The following CFAP299 variants were observed in gnomAD, a reference collection of about 807,000 sequenced individuals.
CFAP299 encodes the protein cilia and flagella associated protein 299.
A neutral mutation model predicts 27.0 loss-of-function variants in CFAP299; 21 were observed. The observed-to-expected ratio is 0.78, with a 90% CI of 0.55 to 1.12. The LOEUF (loss-of-function observed/expected upper bound fraction) is 1.12, where lower values mean the gene tolerates loss of function less well. Among genes scored for constraint, CFAP299 ranks in the 50% most tolerant of loss-of-function variants. The probability of loss-of-function intolerance (pLI) is 0.00; values close to 1 mark genes in which losing one functional copy is unlikely to be tolerated. For synonymous variants in CFAP299, 104 were observed against 98.1 expected, an observed-to-expected ratio of 1.06 and a Z score of -0.36; for missense variants, 310 against 276.6, an observed-to-expected ratio of 1.12 and a Z score of -0.86.
At chr4:80,679,607 T>A (rs907295854) in intron 3 of CFAP299, among the ~76,000 whole-genome samples, 1 of 151,928 alleles carries the variant, frequency 6.6e-6, no homozygotes, top group Non-Finnish European at 1.5e-5. Flanking sequence ...TTAAAAAAAA[T>A]GGCTACTAAT....
At chr4:80,875,757 AAC>A (rs1008057688) in intron 4 of CFAP299, among the ~76,000 whole-genome samples, 7 of 152,034 alleles carry the variant, frequency 4.6e-5, no homozygotes, top group Non-Finnish European at 8.8e-5. Flanking sequence ...TTACTAGATT[AAC>A]ACAGACTTCA....
rs190222769 is a variant in CFAP299, at chr4:80,569,688, A to C, written c.243-13405A>C. ...ATTTTACATACAATCAACAAGCAGAAAATGAAAGAAAAAACTTTCCACATT... is the reference window on the plus strand; with the variant it reads ...ATTTTACATACAATCAACAAGCAGACAATGAAAGAAAAAACTTTCCACATT... On this transcript the variant is annotated intron_variant, in intron 2 of 5. Coordinates refer to ENST00000358105, the MANE Select transcript of CFAP299 (RefSeq NM_152770.3). Among the ~76,000 whole-genome samples, 119 of 152,152 alleles carry C rather than the reference A, an allele frequency of 7.8e-4. 1 individual carries two copies. The highest frequency in any genetic ancestry group is 2.8e-3 in the African/African-American group (115 of 41,574).
In CFAP299 at chr4:80,688,668, C is replaced by A. The variant is rs187129625; in HGVS notation, c.333+105485C>A. Among the ~76,000 whole-genome samples, 388 of 152,276 alleles carry A rather than the reference C, an allele frequency of 2.5e-3. 4 individuals are homozygous for A. Among genetic ancestry groups the A allele is most frequent in the African/African-American group, 7.7e-3 (320 of 41,570 alleles). ...CCTCCAAAGGAACGCAGTTCCTCAC[C>A]AGCAACGGAACAAAGCTGGACGGAG... On this transcript the variant is annotated intron_variant, in intron 3 of 5. Transcript: ENST00000358105.
chr4:80,608,442 C>A, intron 3 of CFAP299: 2 of 1,059,402 alleles, frequency 1.9e-6, no homozygotes, highest in Non-Finnish European at 2.8e-6. Context: ...TTGGCTTCAT[C>A]CTACATATAT....
intron 3 of CFAP299, among the ~76,000 whole-genome samples, chr4:80,598,265 T>C (rs1737158493): frequency 6.6e-6 from 1 of 152,208 alleles, no homozygotes; most frequent in African/African-American, 2.4e-5. Context: ...TACAGGCTAA[T>C]GTACAAAACA....
At chr4:80,721,156 G>A (rs1271843080) in intron 3 of CFAP299, among the ~76,000 whole-genome samples, 2 of 152,018 alleles carry the variant, frequency 1.3e-5, no homozygotes, top group African/African-American at 4.8e-5. Flanking sequence ...AATCCAGAAA[G>A]GAAAGGCAGG....
At chr4:80,912,533 T>C (rs951518620) in intron 4 of CFAP299, among the ~76,000 whole-genome samples, 1 of 152,132 alleles carries the variant, frequency 6.6e-6, no homozygotes, top group Non-Finnish European at 1.5e-5. Context: ...GTCTCCCTCA[T>C]TGTGTGAGGA....
chr4:80,710,500 TA>T (rs5859733), intron 3 of CFAP299, among the ~76,000 whole-genome samples: 68,322 of 111,604 alleles, frequency 0.61, 21,849 homozygotes, highest in Non-Finnish European at 0.75. Flanking sequence ...TTTTTTTTTT[TA>T]AAAAAAAAAA....
At chr4:80,613,339 T>C (rs1419440801) in intron 3 of CFAP299, among the ~76,000 whole-genome samples, 1 of 152,160 alleles carries the variant, frequency 6.6e-6, no homozygotes, top group East Asian at 1.9e-4. Flanking sequence ...GTGGAACCTC[T>C]CATTTTCTAA....
chr4:80,791,881 G>C (rs540976424), intron 3 of CFAP299, among the ~76,000 whole-genome samples: 8 of 151,688 alleles, frequency 5.3e-5, no homozygotes, highest in Non-Finnish European at 1.0e-4. Context: ...TGTTTGAAAT[G>C]AATGAAATCT....
intron 5 of CFAP299, among the ~76,000 whole-genome samples, chr4:80,949,702 G>A (rs962357833): frequency 2.0e-5 from 3 of 152,032 alleles, no homozygotes; most frequent in African/African-American, 7.2e-5. Flanking sequence ...ACAGACAAGG[G>A]AAAACCCAAA....
chr4:80,960,285 C>A (rs1394862194), intron 5 of CFAP299, among the ~76,000 whole-genome samples: 2 of 151,752 alleles, frequency 1.3e-5, no homozygotes, highest in Admixed American at 6.6e-5. Context: ...CTTCATTTTG[C>A]TTTTTCATGT....
intron 4 of CFAP299, among the ~76,000 whole-genome samples, chr4:80,909,788 G>T (rs1735375662): frequency 6.6e-6 from 1 of 151,992 alleles, no homozygotes; most frequent in African/African-American, 2.4e-5. Context: ...AATAGTTAAT[G>T]TAAAATACAG....
chr4:80,728,964 C>T (rs139146631), intron 3 of CFAP299, among the ~76,000 whole-genome samples: 7 of 152,300 alleles, frequency 4.6e-5, no homozygotes, highest in African/African-American at 1.7e-4. Flanking sequence ...CTCCCCACAA[C>T]CTGCAAACAA....
chr4:80,913,741 T>G (rs1735596816), intron 4 of CFAP299, among the ~76,000 whole-genome samples: 1 of 152,210 alleles, frequency 6.6e-6, no homozygotes, highest in Non-Finnish European at 1.5e-5. Context: ...TATTTTAAAG[T>G]GTACAATTCA....
intron 3 of CFAP299, chr4:80,790,241 A>G (rs1304438874): frequency 6.6e-6 from 1 of 152,088 alleles, no homozygotes; most frequent in Non-Finnish European, 1.5e-5. Flanking sequence ...AATTATGTGC[A>G]GTTTCTCCAT....
chr4:80,698,439 CTTA>C (rs1156950989), intron 3 of CFAP299, among the ~76,000 whole-genome samples: 1 of 152,142 alleles, frequency 6.6e-6, no homozygotes, highest in Non-Finnish European at 1.5e-5. Flanking sequence ...TCTATTTGAA[CTTA>C]TTAATACGTC....
chr4:80,501,826 A>T (rs1273051614), intron 2 of CFAP299, among the ~76,000 whole-genome samples: 1 of 150,506 alleles, frequency 6.6e-6, no homozygotes, highest in African/African-American at 2.4e-5. Flanking sequence ...TACTTTTGAA[A>T]AGTCTCTTTT....
chr4:80,450,757 T>G (rs1211338536), intron 2 of CFAP299, among the ~76,000 whole-genome samples: 1 of 152,018 alleles, frequency 6.6e-6, no homozygotes, highest in South Asian at 2.1e-4. Context: ...ATGAGTATAA[T>G]AAAATCCTAG....
Sources: gnomAD v4.1 joint callset for allele counts (sites outside exome capture counted in the v4.1 genomes callset) on GRCh38, gnomAD v4.1.1 for gene constraint, MANE v1.5 for transcripts, NCBI Gene and HGNC (gene_info 2026-07-23, HGNC 2026-07-21) for gene names.